Variants in CUX2 observed in about 807,000 individuals in gnomAD.
CUX2 encodes cut like homeobox 2, also known as homeobox protein cut-like 2.
In CUX2, 40 loss-of-function variants were observed where a neutral mutation model predicts 144.8. The observed-to-expected ratio is 0.28, with a 90% CI of 0.21 to 0.36. CUX2 has a LOEUF of 0.36. Among genes scored for constraint, CUX2 ranks in the 10% least tolerant of loss-of-function variants. The pLI is 1.00. For synonymous variants in CUX2, 827 were observed against 875.6 expected (o/e 0.94, Z 0.98); for missense variants, 1,615 against 1,994.0 (o/e 0.81, Z 3.62).
chr12:111,311,230 G>C (rs1240464575), intron 15 of CUX2, among the ~76,000 whole-genome samples: 1 of 152,160 alleles, frequency 6.6e-6, no homozygotes, highest in Non-Finnish European at 1.5e-5. Context: ...ACAGCACCTG[G>C]CATGCAGTGC....
At chr12:111,315,519 G>C (rs1183232622) in intron 16 of CUX2, among the ~76,000 whole-genome samples, 1 of 152,156 alleles carries the variant, frequency 6.6e-6, no homozygotes, top group Non-Finnish European at 1.5e-5. Context: ...AGGAGTTGGA[G>C]ACCAGCCTGG....
chr12:111,157,186 T>C (rs1470942199), intron 1 of CUX2, among the ~76,000 whole-genome samples: 1 of 150,028 alleles, frequency 6.7e-6, no homozygotes, highest in Admixed American at 6.7e-5. Flanking sequence ...TTTTGCATGC[T>C]AACCCTGAGA....
intron 1 of CUX2, among the ~76,000 whole-genome samples, chr12:111,211,711 C>T (rs1415772693): frequency 6.6e-6 from 1 of 152,074 alleles, no homozygotes; most frequent in Non-Finnish European, 1.5e-5. Flanking sequence ...CGGTGAAACC[C>T]TGTCTCTACT....
At chr12:111,334,291 T>C in intron 18 of CUX2, 150 bp from the exon 19 acceptor site, 1 of 723,048 alleles carries the variant, frequency 1.4e-6, no homozygotes, top group South Asian at 2.1e-5. Context: ...AGTTTTAGCA[T>C]CCAGGGTGGT....
At chr12:111,145,950 C>T (rs1876641975) in intron 1 of CUX2, among the ~76,000 whole-genome samples, 1 of 152,070 alleles carries the variant, frequency 6.6e-6, no homozygotes, top group Non-Finnish European at 1.5e-5. Context: ...TGTGATCCAC[C>T]CACCTCGGCC....
At chr12:111,288,836 A>T (rs1293420456) in intron 4 of CUX2, among the ~76,000 whole-genome samples, 3 of 152,142 alleles carry the variant, frequency 2.0e-5, no homozygotes, top group Admixed American at 6.5e-5. Flanking sequence ...GATGGCGCGC[A>T]TCTGTAATCT....
chr12:111,340,857 C>A (rs1592987912), intron 20 of CUX2, among the ~76,000 whole-genome samples: 1 of 152,270 alleles, frequency 6.6e-6, no homozygotes, highest in East Asian at 1.9e-4. Context: ...TTCTCCTCTG[C>A]CTTTACCTCT....
chr12:111,060,735 T>C (rs1369620534), intron 1 of CUX2, among the ~76,000 whole-genome samples: 2 of 152,204 alleles, frequency 1.3e-5, no homozygotes, highest in Non-Finnish European at 2.9e-5. Context: ...GCCCAGCCTG[T>C]AGCTCTGGAA....
In CUX2 at chr12:111,307,314, C is replaced by G; in HGVS notation, c.1109+57C>G. The G allele has an allele frequency of 1.3e-6, 2 of 1,518,086 alleles. No individual in the cohort carries two copies. The highest frequency in any genetic ancestry group is 9.1e-7 in the Non-Finnish European group (1 of 1,101,166). 94.0% of individuals were successfully genotyped at this position (1,518,086 alleles called of 1,614,324 possible). ...CAGTGCTCTTCCCTGGCCAGGAGCTCTTGGCAAAGTTCATCATCTTCCTCC... is the reference window on the plus strand; with the variant it reads ...CAGTGCTCTTCCCTGGCCAGGAGCTGTTGGCAAAGTTCATCATCTTCCTCC... On this transcript the variant is annotated intron_variant, in intron 12 of 21. Coordinates refer to ENST00000261726, the MANE Select transcript of CUX2 (RefSeq NM_015267.4). This position sits in a 1 kb window ranked among gnomAD's most constrained non-coding sequence, Gnocchi z 4.1.
chr12:111,304,348 G>A lies in CUX2; in HGVS notation c.858+34G>A. On this transcript the variant is annotated intron_variant, in intron 10 of 21. Transcript: ENST00000261726. The surrounding 1 kb of genome is among the most constrained non-coding windows in gnomAD (Gnocchi z 4.7). ...GGGGTTGGGGAAGTGAGCAGGGAGG[G>A]CAGAGGGAAAGATCGGGAATGGCTG... is the stretch of plus-strand genomic sequence containing the variant. 1.3e-6 allele frequency: 2 copies of A among 1,565,862 alleles called. No individual in the cohort carries two copies. The highest frequency in any genetic ancestry group is 1.8e-6 in the Non-Finnish European group (2 of 1,140,480).
chr12:111,112,151 C>T (rs528205128), intron 1 of CUX2, among the ~76,000 whole-genome samples: 1 of 152,094 alleles, frequency 6.6e-6, no homozygotes. Context: ...CAAGAAGGGT[C>T]GAGTGGCTCA....
chr12:111,344,002 G>A (rs1033552768), intron 21 of CUX2, among the ~76,000 whole-genome samples: 1 of 151,624 alleles, frequency 6.6e-6, no homozygotes, highest in Non-Finnish European at 1.5e-5. Context: ...GCTTTGAGCC[G>A]AGATCACACC....
At chr12:111,234,862 G>A (rs1882660282) in intron 3 of CUX2, among the ~76,000 whole-genome samples, 1 of 152,038 alleles carries the variant, frequency 6.6e-6, no homozygotes, top group African/African-American at 2.4e-5. Context: ...GGGACTACAG[G>A]CACACACCAC....
rs948956465 is a variant in CUX2 at position 111,190,081 on chromosome 12, G to A, written c.64-24119G>A. Among the ~76,000 whole-genome samples the A allele has an allele frequency of 2.0e-5, 3 of 152,150 alleles. No homozygotes were observed. Among genetic ancestry groups the A allele is most frequent in the African/African-American group, 7.2e-5 (3 of 41,422 alleles). On this transcript the variant is annotated intron_variant, in intron 1 of 21. Coordinates refer to ENST00000261726, the MANE Select transcript of CUX2 (RefSeq NM_015267.4). The surrounding 1 kb of genome is among the most constrained non-coding windows in gnomAD (Gnocchi z 4.0). ...TTTCATTTCCTTGGTGACAGATGAG[G>A]TTAAGCATCTTTTCGTGTGTTCATT...
At chr12:111,334,750 T>C (rs1357459516) in intron 19 of CUX2, 40 bp downstream of exon 19, 3 of 1,548,936 alleles carry the variant, frequency 1.9e-6, no homozygotes, top group Non-Finnish European at 2.6e-6. Flanking sequence ...GCCTCCCACC[T>C]GGGTTGGCTC....
chr12:111,336,460 T>TGTGTGTG (rs1490518484), intron 19 of CUX2, among the ~76,000 whole-genome samples: 29 of 130,748 alleles, frequency 2.2e-4, no homozygotes, highest in African/African-American at 8.1e-4. Flanking sequence ...GTGTGTGTGT[T>TGTGTGTG]TAAGATGGAG....
intron 1 of CUX2, among the ~76,000 whole-genome samples, chr12:111,084,211 G>A (rs901107357): frequency 2.0e-5 from 3 of 152,186 alleles, no homozygotes; most frequent in Admixed American, 6.5e-5. Flanking sequence ...CAGGAGTGGA[G>A]TGGTTAGTGG....
At chr12:111,335,540 A>T (rs1231091306) in intron 19 of CUX2, among the ~76,000 whole-genome samples, 1 of 151,876 alleles carries the variant, frequency 6.6e-6, no homozygotes, top group African/African-American at 2.4e-5. Flanking sequence ...GTGAAACCCC[A>T]TCTCTACTAA....
chr12:111,242,936 G>C (rs955643587), intron 3 of CUX2, among the ~76,000 whole-genome samples: 1 of 152,088 alleles, frequency 6.6e-6, no homozygotes, highest in African/African-American at 2.4e-5. Context: ...TCCCACTTAC[G>C]AGTGTGAACA....
Sources: gnomAD v4.1 joint callset for allele counts (sites outside exome capture counted in the v4.1 genomes callset) on GRCh38, gnomAD v4.1.1 for gene constraint, Gnocchi (gnomAD v3.1) non-coding constraint, MANE v1.5 for transcripts, NCBI Gene and HGNC (gene_info 2026-07-23, HGNC 2026-07-21) for gene names.